DMXL1: variants seen among roughly 807,000 people sequenced by gnomAD.
The protein encoded by DMXL1 is Dmx like 1, also known as dmX-like protein 1.
In DMXL1, 99 loss-of-function variants were observed where a neutral mutation model predicts 319.2. The observed-to-expected ratio is 0.31, with a 90% CI of 0.26 to 0.37. The LOEUF (loss-of-function observed/expected upper bound fraction) is 0.37. Ranked by LOEUF, DMXL1 falls within the 10% of genes least tolerant of loss-of-function variation. DMXL1 has a pLI of 1.00. For missense variants in DMXL1, 3,745 were observed against 3,595.6 expected, an observed-to-expected ratio of 1.04 and a Z score of -1.06; for synonymous variants, 1,385 against 1,235.2, an observed-to-expected ratio of 1.12 and a Z score of -2.54.
intron 32 of DMXL1, among the ~76,000 whole-genome samples, chr5:119,200,808 T>A (rs1561860972): frequency 6.6e-6 from 1 of 152,172 alleles, no homozygotes; most frequent in African/African-American, 2.4e-5. Context: ...TATTCCTAGG[T>A]ATTTTATTCT....
chr5:119,239,219 C>T (rs1315022234), intron 41 of DMXL1, 139 bp downstream of exon 41: 2 of 923,360 alleles, frequency 2.2e-6, no homozygotes, highest in South Asian at 1.7e-5. Flanking sequence ...TATTTATTGG[C>T]CATGTTATTC....
chr5:119,096,595 C>T (rs1451449746), intron 1 of DMXL1, among the ~76,000 whole-genome samples: 3 of 152,122 alleles, frequency 2.0e-5, no homozygotes, highest in African/African-American at 2.4e-5. Flanking sequence ...ATTGTTGTAA[C>T]GTGTGCCAGT....
chr5:119,206,787 C>A, intron 33 of DMXL1, 47 bp from the exon 34 acceptor site: 2 of 1,171,566 alleles, frequency 1.7e-6, no homozygotes, highest in African/African-American at 1.6e-5. Flanking sequence ...TTGCATGTTA[C>A]ATCTCATCTT....
chr5:119,107,886 A>G (rs867367837), intron 4 of DMXL1, among the ~76,000 whole-genome samples: 5 of 152,224 alleles, frequency 3.3e-5, no homozygotes, highest in Middle Eastern at 3.4e-3. Context: ...CTTTGTGCAT[A>G]TTATATAGCT....
chr5:119,169,495 C>T (rs1455510675), intron 23 of DMXL1, among the ~76,000 whole-genome samples: 1 of 152,036 alleles, frequency 6.6e-6, no homozygotes, highest in Admixed American at 6.5e-5. Context: ...TGTTTTAGAT[C>T]ATGGAGCTTT....
intron 19 of DMXL1, among the ~76,000 whole-genome samples, chr5:119,156,742 A>G (rs920374431): frequency 3.5e-4 from 53 of 151,936 alleles, no homozygotes; most frequent in South Asian, 4.2e-4. Flanking sequence ...TATTTGAGGA[A>G]CCTTCATACC....
Position 119,133,385 on chromosome 5 carries a change from G to A in DMXL1, c.1569G>A (p.Gln523=). ...AGCCTGGTATGTTTCGTCAAGTACAGGTACTACTGTTATTTCTGGAGAGCT... is the reference window on the plus strand; with the variant it reads ...AGCCTGGTATGTTTCGTCAAGTACAAGTACTACTGTTATTTCTGGAGAGCT... ...EYQPGMFRQV[Q]VSFVSRIPVA... The change falls in exon 11 of 44, where the codon CAG becomes CAA. Residue 523 remains glutamine (Q), a splice_region_variant and synonymous_variant. Transcript: ENST00000539542. The A allele has an allele frequency of 6.2e-7, 1 of 1,607,732 alleles. No homozygotes were observed. The highest frequency in any genetic ancestry group is 8.5e-7 in the Non-Finnish European group (1 of 1,175,680).
chr5:119,138,980 G>A (rs932541207), intron 13 of DMXL1: 3 of 152,260 alleles, frequency 2.0e-5, no homozygotes, highest in Admixed American at 2.0e-4. Flanking sequence ...AAGAGACTGG[G>A]GACCTATATT....
intron 43 of DMXL1, among the ~76,000 whole-genome samples, 182 bp from the exon 44 acceptor site, chr5:119,246,813 A>G (rs747863514): frequency 1.1e-4 from 17 of 151,592 alleles, no homozygotes; most frequent in Non-Finnish European, 2.2e-4. Context: ...TTGTATTTTT[A>G]GTAGAGATGG....
chr5:119,173,539 A>C (rs1229679367), intron 25 of DMXL1, among the ~76,000 whole-genome samples: 1 of 151,250 alleles, frequency 6.6e-6, no homozygotes, highest in Non-Finnish European at 1.5e-5. Flanking sequence ...AGAAGGCATC[A>C]TTTACATTTC....
chr5:119,203,350 A>G lies in DMXL1; in HGVS notation c.7777A>G (p.Arg2593Gly). The change falls in exon 33 of 44, where the codon AGG becomes GGG. Residue 2593 changes from arginine to glycine, a missense_variant. Physicochemically the swap from Arg to Gly is moderately radical, Grantham distance 125. Transcript: ENST00000539542. ...ACACCATCTGGCACTGTCTGTGAAG[A>G]GGCTTTGGCAGTATTTGGTGAAGCA... The part of the protein sequence containing the change: ...SKHHLALSVK[R>G]LWQYLVKQEE... 1.2e-6 allele frequency: 2 copies of G among 1,603,572 alleles called. No homozygotes were observed.
At chr5:119,173,339 C>T (rs988940374) in intron 25 of DMXL1, among the ~76,000 whole-genome samples, 5 of 149,082 alleles carry the variant, frequency 3.4e-5, no homozygotes, top group African/African-American at 1.3e-4. Context: ...AAACTCCGCG[C>T]CCACCCCCCG....
At chr5:119,241,348 G>A (rs896630625) in intron 42 of DMXL1, among the ~76,000 whole-genome samples, 8 of 151,918 alleles carry the variant, frequency 5.3e-5, no homozygotes, top group South Asian at 2.1e-4. Flanking sequence ...TGGCTAACAC[G>A]GTGAAACCCC....
chr5:119,196,310 A>G, intron 30 of DMXL1, 61 bp from the exon 31 acceptor site: 2 of 1,252,430 alleles, frequency 1.6e-6, no homozygotes, highest in South Asian at 1.2e-5. Flanking sequence ...GTCAAAGGGT[A>G]GTATACTCTT....
chr5:119,193,911 T>C lies in DMXL1; in HGVS notation c.7398T>C (p.Asp2466=), dbSNP rs144358467. 68 of 1,612,330 alleles carry C rather than the reference T, an allele frequency of 4.2e-5. No homozygotes were observed. The highest frequency in any genetic ancestry group is 5.6e-5 in the Non-Finnish European group (66 of 1,179,048). Residue 2466 remains aspartate (D), a synonymous_variant, in exon 30 of 44, where the codon GAT becomes GAC. Transcript: ENST00000539542. The part of the protein sequence containing the change: ...LGSDDDDNDD[D]DDVLASDFHL... ...GTGATGATGATGACAATGATGATGA[T>C]GATGATGTTTTAGCATCAGATTTCC...
intron 10 of DMXL1, 114 bp downstream of exon 10, chr5:119,129,537 CA>C: frequency 1.5e-6 from 1 of 684,906 alleles, no homozygotes. Context: ...TGACATGATC[CA>C]AACATGGACT....
intron 43 of DMXL1, among the ~76,000 whole-genome samples, chr5:119,246,249 G>A (rs1789738166): frequency 1.3e-5 from 2 of 152,170 alleles, no homozygotes; most frequent in African/African-American, 2.4e-5. Context: ...GCCTCTAGGT[G>A]TCAAGTACTT....
At position 119,195,391 on chromosome 5, in the gene DMXL1, G is replaced by T. The variant is rs183534462; in HGVS notation, c.7458-980G>T. Among the ~76,000 whole-genome samples, 119 of 152,270 alleles carry T rather than the reference G, an allele frequency of 7.8e-4. 1 individual carries two copies. The highest frequency in any genetic ancestry group is 2.7e-3 in the African/African-American group (112 of 41,554). ...TTACTAAACAAAATGTGCTATGTAC[G>T]TTCAACGGAGTATTATTCAGCCTTA... On this transcript the variant is annotated intron_variant, in intron 30 of 43. Transcript: ENST00000539542.
intron 33 of DMXL1, 61 bp from the exon 34 acceptor site, chr5:119,206,773 T>C: frequency 1.0e-6 from 1 of 988,316 alleles, no homozygotes; most frequent in Non-Finnish European, 1.5e-6. Flanking sequence ...CAATCCCCAG[T>C]ATTTTGCATG....
Sources: gnomAD v4.1 joint callset for allele counts (sites outside exome capture counted in the v4.1 genomes callset) on GRCh38, gnomAD v4.1.1 for gene constraint, MANE v1.5 for transcripts, NCBI Gene and HGNC (gene_info 2026-07-23, HGNC 2026-07-21) for gene names.